CNTN5: variants seen among roughly 807,000 people sequenced by gnomAD.
CNTN5 encodes contactin 5.
A neutral mutation model predicts 129.1 loss-of-function variants in CNTN5; 77 were observed. That is an observed-to-expected ratio of 0.60 (90% CI 0.50 to 0.72). The LOEUF (loss-of-function observed/expected upper bound fraction) is 0.72, where lower values mean the gene tolerates loss of function less well. CNTN5 is among the 30% of genes least tolerant of loss of function. The pLI, the probability that CNTN5 is intolerant of heterozygous loss-of-function variation, is 0.00. For synonymous variants in CNTN5, 509 were observed against 465.6 expected, an observed-to-expected ratio of 1.09 and a Z score of -1.20; for missense variants, 1,478 against 1,328.8, an observed-to-expected ratio of 1.11 and a Z score of -1.75.
chr11:99,366,554 AAAG>A (rs1939455866), intron 2 of CNTN5, among the ~76,000 whole-genome samples: 1 of 152,156 alleles, frequency 6.6e-6, no homozygotes, highest in South Asian at 2.1e-4. Context: ...CTTTGACTTT[AAAG>A]AAGATTAATA....
chr11:99,647,383 T>C (rs939185581), intron 3 of CNTN5, among the ~76,000 whole-genome samples: 1 of 152,138 alleles, frequency 6.6e-6, no homozygotes, highest in Non-Finnish European at 1.5e-5. Flanking sequence ...CTCTTTTCTG[T>C]TCCATTGGTC....
intron 7 of CNTN5, among the ~76,000 whole-genome samples, chr11:99,929,086 G>A (rs1565687484): frequency 6.6e-6 from 1 of 152,134 alleles, no homozygotes; most frequent in African/African-American, 2.4e-5. Context: ...AATGCTGCCA[G>A]TCTCTTTGCT....
intron 6 of CNTN5, among the ~76,000 whole-genome samples, chr11:99,859,939 G>A (rs1336619782): frequency 2.6e-5 from 4 of 152,158 alleles, no homozygotes; most frequent in Non-Finnish European, 5.9e-5. Context: ...CTCAGTGGCT[G>A]AATGGATTTA....
At chr11:99,670,208 A>G (rs574237989) in intron 3 of CNTN5, among the ~76,000 whole-genome samples, 25 of 152,274 alleles carry the variant, frequency 1.6e-4, no homozygotes, top group Admixed American at 2.6e-4. Context: ...AAGTCACCCT[A>G]TTGCAAATTC....
At chr11:100,246,015 TAG>T (rs1949833477) in intron 16 of CNTN5, among the ~76,000 whole-genome samples, 1 of 152,110 alleles carries the variant, frequency 6.6e-6, no homozygotes, top group Admixed American at 6.6e-5. Context: ...CCCCAGATGG[TAG>T]AGATTATTGA....
intron 9 of CNTN5, among the ~76,000 whole-genome samples, chr11:100,016,781 C>T (rs374947276): frequency 4.0e-5 from 6 of 151,586 alleles, no homozygotes; most frequent in African/African-American, 4.8e-5. Flanking sequence ...ATGAATATGC[C>T]GAGACATAAA....
At chr11:99,844,709 A>C in intron 4 of CNTN5, 143 bp from the exon 5 acceptor site, 1 of 692,992 alleles carries the variant, frequency 1.4e-6, no homozygotes. Flanking sequence ...GCAGTTTTCT[A>C]GCTATTCCTT....
intron 13 of CNTN5, among the ~76,000 whole-genome samples, chr11:100,078,590 A>G (rs1045806007): frequency 4.6e-5 from 7 of 152,290 alleles, no homozygotes; most frequent in African/African-American, 1.7e-4. Context: ...AAACCAGTGT[A>G]TGAAAAGAGG....
chr11:100,135,909 T>C (rs1456788024), intron 13 of CNTN5, among the ~76,000 whole-genome samples: 1 of 152,148 alleles, frequency 6.6e-6, no homozygotes, highest in Non-Finnish European at 1.5e-5. Flanking sequence ...GTTAGATATA[T>C]CTCTGCTGTT....
intron 8 of CNTN5, among the ~76,000 whole-genome samples, chr11:99,969,786 T>G (rs1430342106): frequency 6.6e-6 from 1 of 152,204 alleles, no homozygotes; most frequent in Non-Finnish European, 1.5e-5. Flanking sequence ...CTTATCCATT[T>G]ATATGTCTGT....
intron 3 of CNTN5, among the ~76,000 whole-genome samples, chr11:99,710,881 T>G (rs1954957729): frequency 6.6e-6 from 1 of 151,870 alleles, no homozygotes; most frequent in Non-Finnish European, 1.5e-5. Context: ...CTAAAACATA[T>G]TTAGAACATA....
chr11:100,050,507 G>A (rs1389793775), intron 9 of CNTN5, among the ~76,000 whole-genome samples: 1 of 152,034 alleles, frequency 6.6e-6, no homozygotes, highest in African/African-American at 2.4e-5. Flanking sequence ...GATAGCTTTA[G>A]GAGATATACC....
At chr11:99,336,290 A>G (rs1866220169) in intron 2 of CNTN5, among the ~76,000 whole-genome samples, 2 of 152,136 alleles carry the variant, frequency 1.3e-5, no homozygotes, top group African/African-American at 4.8e-5. Context: ...TAAGGGTATA[A>G]TTTGTGCACT....
intron 1 of CNTN5, among the ~76,000 whole-genome samples, chr11:99,143,100 T>A (rs925463443): frequency 1.3e-5 from 2 of 152,016 alleles, no homozygotes; most frequent in Admixed American, 6.6e-5. Flanking sequence ...CTTCTGGTTG[T>A]GTCTACTTGG....
Position 99,759,633 on chromosome 11 carries a change from A to T in CNTN5, c.56-59911A>T, listed in dbSNP as rs77251338. Among the ~76,000 whole-genome samples the T allele has an allele frequency of 0.01, 1,456 of 143,742 alleles. 64 individuals carry two copies. In the East Asian group the frequency reaches 0.15, roughly 15 times the overall value. The allele number at this position is 143,742 out of a possible 152,430, so 94.3% of individuals were successfully genotyped here. A position where few individuals can be genotyped will look rare whatever the true frequency, so the allele number is the denominator to read the frequency against. ...GTCATAACCCCAGATCTAGGGTCAG[A>T]TGACGAATGCTAGGGAGGGTGTTTG... is the stretch of plus-strand genomic sequence containing the variant. On this transcript the variant is annotated intron_variant, in intron 3 of 24. Coordinates refer to ENST00000524871, the MANE Select transcript of CNTN5 (RefSeq NM_014361.4).
chr11:99,340,715 A>G (rs1392212408), intron 2 of CNTN5, among the ~76,000 whole-genome samples: 1 of 152,326 alleles, frequency 6.6e-6, no homozygotes, highest in East Asian at 1.9e-4. Context: ...GCAAGTACAG[A>G]TAGATTTTTC....
chr11:99,522,624 A>T (rs2515382), intron 2 of CNTN5, among the ~76,000 whole-genome samples: 126,170 of 152,110 alleles, frequency 0.83, 52,777 homozygotes, highest in Middle Eastern at 0.9. Context: ...TGTAATTTTA[A>T]CCAATGACTC....
At chr11:100,084,810 C>T (rs900187463) in intron 13 of CNTN5, among the ~76,000 whole-genome samples, 1 of 152,076 alleles carries the variant, frequency 6.6e-6, no homozygotes, top group African/African-American at 2.4e-5. Context: ...GTTCCTCTTT[C>T]TTTCCAGTTG....
intron 2 of CNTN5, among the ~76,000 whole-genome samples, chr11:99,423,065 G>A (rs2726420): frequency 0.93 from 140,929 of 152,248 alleles, 66,155 homozygotes; most frequent in East Asian, 1. Context: ...AGCAAAATAC[G>A]GCAGAGAGAG....
Sources: gnomAD v4.1 joint callset for allele counts (sites outside exome capture counted in the v4.1 genomes callset) on GRCh38, gnomAD v4.1.1 for gene constraint, MANE v1.5 for transcripts, NCBI Gene and HGNC (gene_info 2026-07-23, HGNC 2026-07-21) for gene names.